Variants in DPH6 observed in about 807,000 individuals in gnomAD.
DPH6 encodes the protein diphthine--ammonia ligase.
A neutral mutation model predicts 38.2 loss-of-function variants in DPH6; 33 were observed. That is an observed-to-expected ratio of 0.86 (90% CI 0.65 to 1.15). The LOEUF is 1.15. Ranked by LOEUF, DPH6 falls within the 50% of genes most tolerant of loss-of-function variation. The probability of loss-of-function intolerance (pLI) is 0.00; values close to 1 mark genes in which losing one functional copy is unlikely to be tolerated. For missense variants in DPH6, 325 were observed against 320.0 expected (o/e 1.02, Z -0.12); for synonymous variants, 108 against 103.0 (o/e 1.05, Z -0.30).
intron 3 of DPH6, among the ~76,000 whole-genome samples, chr15:35,360,044 T>C (rs2052600516): frequency 6.6e-6 from 1 of 152,214 alleles, no homozygotes; most frequent in South Asian, 2.1e-4. Flanking sequence ...ATTGGAGCTT[T>C]ATTCATTTCC....
chr15:35,412,981 A>C (rs534334247), intron 5 of DPH6, among the ~76,000 whole-genome samples: 10 of 137,550 alleles, frequency 7.3e-5, no homozygotes, highest in Non-Finnish European at 5.0e-5. Context: ...TAAACTATGA[A>C]CTTTGGGTGA....
intron 6 of DPH6, among the ~76,000 whole-genome samples, chr15:35,400,425 C>T (rs2053201607): frequency 6.6e-6 from 1 of 151,908 alleles, no homozygotes; most frequent in African/African-American, 2.4e-5. Flanking sequence ...ACAGTGAAAT[C>T]TGCATATTCC....
the DPH6 span, among the ~76,000 whole-genome samples, chr15:35,183,874 A>G: frequency 6.6e-6 from 1 of 152,246 alleles, no homozygotes; most frequent in Non-Finnish European, 1.5e-5. Flanking sequence ...ATGCCTATAT[A>G]TGTCAATATT....
chr15:35,327,407 G>C (rs890212245), downstream of DPH6, among the ~76,000 whole-genome samples: 1 of 146,832 alleles, frequency 6.8e-6, no homozygotes, highest in Non-Finnish European at 1.5e-5. Context: ...GTGCAGTGAC[G>C]CAATCTTGGC....
chr15:35,498,016 A>G (rs1036839637), intron 3 of DPH6, among the ~76,000 whole-genome samples: 1 of 152,192 alleles, frequency 6.6e-6, no homozygotes, highest in African/African-American at 2.4e-5. Context: ...ACTATGCAAT[A>G]TTAGTTAATC....
At chr15:35,544,039 G>GT (rs1838935973) in intron 1 of DPH6, among the ~76,000 whole-genome samples, 1 of 152,088 alleles carries the variant, frequency 6.6e-6, no homozygotes, top group South Asian at 2.1e-4. Context: ...CTAACAAAAG[G>GT]TTTTGAATAT....
At chr15:35,458,253 C>T (rs1286729600) in intron 3 of DPH6, among the ~76,000 whole-genome samples, 1 of 152,062 alleles carries the variant, frequency 6.6e-6, no homozygotes. Context: ...GGATAAAAAC[C>T]TAACTCTTTC....
intron 3 of DPH6, among the ~76,000 whole-genome samples, chr15:35,221,509 G>T (rs889422126): frequency 1.3e-5 from 2 of 152,208 alleles, no homozygotes; most frequent in African/African-American, 4.8e-5. Flanking sequence ...CATGCACTCT[G>T]TGTCTGCAGA....
chr15:35,397,175 T>G (rs549293247), intron 6 of DPH6, among the ~76,000 whole-genome samples: 89 of 152,326 alleles, frequency 5.8e-4, no homozygotes, highest in African/African-American at 2.1e-3. Context: ...TTTATCCAGG[T>G]TTAGCTCTTA....
At chr15:35,240,444 C>A (rs889832532) in intron 3 of DPH6, among the ~76,000 whole-genome samples, 6 of 142,458 alleles carry the variant, frequency 4.2e-5, no homozygotes, top group Non-Finnish European at 9.2e-5. Context: ...CCCATCTGAT[C>A]TCTCCCCTCC....
At chr15:35,382,331 G>C (rs1313070494) in intron 6 of DPH6, among the ~76,000 whole-genome samples, 1 of 152,192 alleles carries the variant, frequency 6.6e-6, no homozygotes, top group East Asian at 1.9e-4. Flanking sequence ...AGCTACTCGG[G>C]AGGCCGAGGC....
chr15:35,436,981 C>T (rs1462585755), intron 5 of DPH6, among the ~76,000 whole-genome samples: 2 of 150,846 alleles, frequency 1.3e-5, no homozygotes, highest in South Asian at 2.1e-4. Flanking sequence ...TTTTGGAGCT[C>T]GAAGGCTACT....
intron 3 of DPH6, among the ~76,000 whole-genome samples, chr15:35,470,030 T>C (rs2054177669): frequency 6.6e-6 from 1 of 152,034 alleles, no homozygotes; most frequent in South Asian, 2.1e-4. Context: ...AAACCCTGTC[T>C]CTACTAAAAA....
chr15:35,212,629 G>T (rs979735866), downstream of DPH6, among the ~76,000 whole-genome samples: 4 of 152,178 alleles, frequency 2.6e-5, no homozygotes, highest in South Asian at 2.1e-4. Flanking sequence ...AAAGAGCAAA[G>T]CATATTATTA....
At chr15:35,502,957 TAC>T (rs1341603184) in intron 3 of DPH6, among the ~76,000 whole-genome samples, 1 of 148,208 alleles carries the variant, frequency 6.7e-6, no homozygotes, top group Non-Finnish European at 1.5e-5. Flanking sequence ...CACACACACA[TAC>T]ACACACACCA....
intron 3 of DPH6, among the ~76,000 whole-genome samples, chr15:35,522,431 T>G (rs1175416750): frequency 1.3e-5 from 2 of 152,082 alleles, no homozygotes; most frequent in African/African-American, 4.8e-5. Flanking sequence ...TGAAAATAAC[T>G]CAATGCACCT....
intron 3 of DPH6, among the ~76,000 whole-genome samples, chr15:35,462,207 G>A (rs1479974660): frequency 3.3e-5 from 5 of 151,792 alleles, no homozygotes; most frequent in African/African-American, 4.8e-5. Context: ...CCCTTAATTT[G>A]ACTATTACCA....
At chr15:35,171,122 A>T in the DPH6 span, among the ~76,000 whole-genome samples, 3 of 152,236 alleles carry the variant, frequency 2.0e-5, no homozygotes, top group East Asian at 5.8e-4. Context: ...GGGTTGATGC[A>T]CTGGAAGCAG....
At chr15:35,266,922 T>C (rs909191205) in intron 3 of DPH6, among the ~76,000 whole-genome samples, 2 of 152,118 alleles carry the variant, frequency 1.3e-5, no homozygotes, top group Non-Finnish European at 2.9e-5. Flanking sequence ...ATAAAATGAT[T>C]AGTGGACAAC....
Sources: gnomAD v4.1 joint callset for allele counts (sites outside exome capture counted in the v4.1 genomes callset) on GRCh38, gnomAD v4.1.1 for gene constraint, MANE v1.5 for transcripts, NCBI Gene and HGNC (gene_info 2026-07-23, HGNC 2026-07-21) for gene names.